MORC4: variants seen among roughly 807,000 people sequenced by gnomAD.
MORC4 encodes MORC family CW-type zinc finger 4.
A neutral mutation model predicts 65.5 loss-of-function variants in MORC4; 22 were observed. The ratio of observed to expected loss-of-function variants is 0.34; its 90% CI spans 0.24 to 0.48. The LOEUF (loss-of-function observed/expected upper bound fraction) is 0.48, where lower values mean the gene tolerates loss of function less well. Among genes scored for constraint, MORC4 ranks in the 20% least tolerant of loss-of-function variants. The pLI is 0.99. For synonymous variants in MORC4, 267 were observed against 255.8 expected, an observed-to-expected ratio of 1.04 and a Z score of -0.42; for missense variants, 624 against 703.0, an observed-to-expected ratio of 0.89 and a Z score of 1.27.
At chrX:106,985,718 G>C (rs546407164) in intron 4 of MORC4, among the ~76,000 whole-genome samples, 4 of 110,482 alleles carry the variant, frequency 3.6e-5, no homozygotes, top group African/African-American at 1.3e-4. Context: ...CTTTACCATG[G>C]GGTGGTGGTA....
rs1161932211 is a variant in MORC4, at chrX:106,940,909, C to T, written c.*570G>A. On this transcript the variant is annotated 3_prime_UTR_variant, in exon 17 of 17. Coordinates refer to ENST00000355610, the MANE Select transcript of MORC4 (RefSeq NM_024657.5). ...TCATTCTTTAAGCCTTAATTTAGGT[C>T]CCATTTCTGGTGTGGTGCCTTCCTT... 9.0e-6 allele frequency: 1 copy of T among 111,648 alleles called. No individual in the cohort carries two copies. Among genetic ancestry groups the T allele is most frequent in the Non-Finnish European group, 1.9e-5 (1 of 53,095 alleles). 9.2% of individuals were successfully genotyped at this position (111,648 alleles called of 1,213,427 possible).
intron 9 of MORC4, among the ~76,000 whole-genome samples, chrX:106,966,258 T>C (rs1349262907): frequency 8.9e-6 from 1 of 111,807 alleles, no homozygotes; most frequent in Non-Finnish European, 1.9e-5. Context: ...TCTCAGAAAA[T>C]CAAAAGGTCA....
At chrX:106,984,837 T>G (rs753184843) in intron 5 of MORC4, among the ~76,000 whole-genome samples, 1 of 108,671 alleles carries the variant, frequency 9.2e-6, no homozygotes, top group Admixed American at 1.0e-4. Context: ...ATATTAAAAT[T>G]TATCTACTTT....
chrX:106,957,071 C>T, intron 11 of MORC4, 67 bp from the exon 12 acceptor site: 1 of 675,664 alleles, frequency 1.5e-6, no homozygotes, highest in Non-Finnish European at 2.3e-6. Context: ...CTTTTAATTT[C>T]CTTATAACTA....
intron 9 of MORC4, among the ~76,000 whole-genome samples, chrX:106,964,884 C>T (rs779916629): frequency 9.1e-5 from 10 of 110,448 alleles, no homozygotes; most frequent in Non-Finnish European, 1.7e-4. Context: ...TGGTGCATGC[C>T]TGTAATCCCA....
intron 9 of MORC4, among the ~76,000 whole-genome samples, chrX:106,974,335 CTCATT>C (rs1934580520): frequency 9.0e-6 from 1 of 111,528 alleles, no homozygotes; most frequent in South Asian, 3.8e-4. Flanking sequence ...CTCTACTCTA[CTCATT>C]TAACTTGATT....
At chrX:106,997,159 G>A (rs1034925525) in intron 2 of MORC4, among the ~76,000 whole-genome samples, 19 of 111,991 alleles carry the variant, frequency 1.7e-4, no homozygotes, top group Admixed American at 9.4e-4. Flanking sequence ...CACACACAAG[G>A]TTAGCATTGA....
At chrX:106,960,587 T>A (rs1452158370) in intron 10 of MORC4, among the ~76,000 whole-genome samples, 1 of 112,029 alleles carries the variant, frequency 8.9e-6, no homozygotes, top group African/African-American at 3.2e-5. Context: ...GTTGTTGTGA[T>A]GATTAAATAA....
Position 106,985,179 on chromosome X carries a change from G to A in MORC4, c.591C>T (p.Phe197=). The A allele has an allele frequency of 8.3e-7, 1 of 1,204,686 alleles. No homozygotes were observed. The highest frequency in any genetic ancestry group is 1.1e-6 in the Non-Finnish European group (1 of 890,326). ...GGGCCAGCAGGTCATTTTCACGGTT[G>A]AAAATGGAATAGTTCAAGATGGCTT... The part of the protein sequence containing the change: ...SLEAILNYSI[F]NRENDLLAQF... Residue 197 remains phenylalanine, a synonymous_variant, in exon 5 of 17, where the codon TTC becomes TTT. Coordinates refer to ENST00000355610, the MANE Select transcript of MORC4 (RefSeq NM_024657.5).
At chrX:106,997,618 G>C (rs921671127) in intron 2 of MORC4, among the ~76,000 whole-genome samples, 2 of 112,293 alleles carry the variant, frequency 1.8e-5, no homozygotes, top group African/African-American at 6.5e-5. Flanking sequence ...TTCATCTGCA[G>C]GATGAAAATA....
At chrX:106,959,411 G>T (rs958393200) in intron 10 of MORC4, among the ~76,000 whole-genome samples, 1 of 111,953 alleles carries the variant, frequency 8.9e-6, no homozygotes, top group Admixed American at 9.5e-5. Context: ...CCTAGGATGA[G>T]ATTTATGCAT....
intron 5 of MORC4, among the ~76,000 whole-genome samples, chrX:106,983,344 T>C (rs1934787577): frequency 1.8e-5 from 2 of 112,415 alleles, no homozygotes; most frequent in Admixed American, 1.9e-4. Flanking sequence ...ATTACCAATG[T>C]GTGAGTCACA....
At chrX:106,985,331 A>G in intron 4 of MORC4, 88 bp from the exon 5 acceptor site, 6 of 668,890 alleles carry the variant, frequency 9.0e-6, no homozygotes, top group Non-Finnish European at 1.3e-5. Context: ...TATTTAGACA[A>G]AACTATAGAC....
chrX:106,985,770 A>C (rs906030639), intron 4 of MORC4, among the ~76,000 whole-genome samples: 1 of 111,979 alleles, frequency 8.9e-6, no homozygotes, highest in Non-Finnish European at 1.9e-5. Context: ...CTAACAATGA[A>C]AATTTCAATA....
intron 10 of MORC4, among the ~76,000 whole-genome samples, chrX:106,959,208 C>T (rs1056248891): frequency 8.1e-5 from 9 of 111,408 alleles, no homozygotes; most frequent in African/African-American, 2.9e-4. Context: ...AATGCATACC[C>T]ACTCTGATTC....
At chrX:106,996,489 T>TGATA (rs764332945) in intron 2 of MORC4, among the ~76,000 whole-genome samples, 54 of 111,435 alleles carry the variant, frequency 4.8e-4, no homozygotes, top group Admixed American at 2.0e-3. Context: ...AATGAACTTA[T>TGATA]GATAACAAGG....
At chrX:106,977,411 C>T (rs1341518249) in intron 8 of MORC4, among the ~76,000 whole-genome samples, 4 of 111,483 alleles carry the variant, frequency 3.6e-5, no homozygotes, top group African/African-American at 6.5e-5. Context: ...TGTGCTTTAG[C>T]AATCTTATCT....
At chrX:106,987,281 G>T (rs893016271) in intron 3 of MORC4, among the ~76,000 whole-genome samples, 3 of 111,156 alleles carry the variant, frequency 2.7e-5, no homozygotes, top group African/African-American at 9.8e-5. Flanking sequence ...ACCCTCACTT[G>T]ATCATTACAC....
At chrX:106,958,806 C>A (rs865952374) in intron 10 of MORC4, among the ~76,000 whole-genome samples, 1 of 111,482 alleles carries the variant, frequency 9.0e-6, no homozygotes, top group African/African-American at 3.3e-5. Flanking sequence ...TTGTTCCAAG[C>A]AAACAATAGG....
Sources: allele counts gnomAD v4.1 joint callset (sites outside exome capture counted in the v4.1 genomes callset), GRCh38; gene constraint gnomAD v4.1.1; transcripts MANE v1.5; gene names NCBI Gene and HGNC (gene_info 2026-07-23, HGNC 2026-07-21).